OR51D1: variants seen among roughly 807,000 people sequenced by gnomAD.
OR51D1 encodes olfactory receptor family 51 subfamily D member 1.
For missense variants in OR51D1, 452 were observed against 396.2 expected (o/e 1.14, Z -1.20); for synonymous variants, 187 against 161.1 (o/e 1.16, Z -1.22).
rs142657979 is a variant in OR51D1, at chr11:4,639,070, C to T, written c.-14-707C>T. On this transcript the variant is annotated intron_variant, in intron 1 of 1. Coordinates refer to ENST00000641817, the MANE Select transcript of OR51D1 (RefSeq NM_001004751.3). ...CCTCCCAAAGTGCTGGGATTACAGG[C>T]GTGAGCCACTGTACCTGGCGGGGCT... Among the ~76,000 whole-genome samples, 54 of 152,290 alleles carry T rather than the reference C, an allele frequency of 3.5e-4. No individual in the cohort carries two copies. In the East Asian group the frequency reaches 9.3e-3, roughly 26 times the overall value.
rs762621823 is a variant in OR51D1 at position 4,639,944 on chromosome 11, A to G, written c.154A>G (p.Thr52Ala). 1.9e-6 allele frequency: 3 copies of G among 1,614,068 alleles called. No individual in the cohort carries two copies. In the South Asian group the frequency reaches 3.3e-5, roughly 18 times the overall value. Residue 52 changes from threonine (T) to alanine (A), a missense_variant, in exon 2 of 2, where the codon ACC (threonine) becomes GCC (alanine). Thr to Ala is a moderately conservative substitution (Grantham distance 58). Coordinates refer to ENST00000641817, the MANE Select transcript of OR51D1 (RefSeq NM_001004751.3). ...FPLCFMYALA[T>A]LGNLTIVLII... ...ACTGTGTTTTATGTATGCCTTGGCCACCCTGGGTAACCTGACCATTGTCCT... is the reference window on the plus strand; with the variant it reads ...ACTGTGTTTTATGTATGCCTTGGCCGCCCTGGGTAACCTGACCATTGTCCT...
intron 1 of OR51D1, among the ~76,000 whole-genome samples, chr11:4,638,211 C>G (rs1360279856): frequency 6.6e-6 from 1 of 152,046 alleles, no homozygotes; most frequent in African/African-American, 2.4e-5. Flanking sequence ...GGAGACGGGT[C>G]AAGATGAGAC....
chr11:4,642,573 A>AAAG lies in OR51D1; in HGVS notation c.*1810_*1811insGAA, dbSNP rs1182422725. ...CTCTGTGTCAAAAAAAAAAAAAAAA[A>AAAG]AAAAGCCTTGGTTGTAGGGAGTTTC... On this transcript the variant is annotated 3_prime_UTR_variant, in exon 2 of 2. Transcript: ENST00000641817. The AAAG allele has an allele frequency of 6.6e-6, 1 of 152,114 alleles. No homozygotes were observed. The highest frequency in any genetic ancestry group is 1.5e-5 in the Non-Finnish European group (1 of 68,362). The allele number at this position is 152,114 out of a possible 1,614,324, so 9.4% of individuals were successfully genotyped here. A position where few individuals can be genotyped will look rare whatever the true frequency, so the allele number is the denominator to read the frequency against.
Position 4,640,554 on chromosome 11 carries a change from T to A in OR51D1, c.764T>A (p.Ile255Asn). 1 of 1,613,810 alleles carries A rather than the reference T, an allele frequency of 6.2e-7. No homozygotes were observed. Among genetic ancestry groups the A allele is most frequent in the Non-Finnish European group, 8.5e-7 (1 of 1,179,998 alleles). Residue 255 changes from isoleucine (I) to asparagine (N), a missense_variant, in exon 2 of 2, where the codon ATC (isoleucine) becomes AAC (asparagine). Transcript: ENST00000641817. ...GCACTCAAGGCTTTCAACACCTGCA[T>A]CTCCCACCTCTGTGCTGTTCTGGTC... is the stretch of plus-strand genomic sequence containing the variant. ...RAALKAFNTC[I>N]SHLCAVLVFY...
In OR51D1 at chr11:4,641,018, A is replaced by G; in HGVS notation, c.*253A>G. On this transcript the variant is annotated 3_prime_UTR_variant, in exon 2 of 2. Transcript: ENST00000641817. ...TCTCCTTCTCTCTCAGCTAGAAAAT[A>G]CATCTAGTTTTGACATGGGGAGGCT... The G allele has an allele frequency of 4.8e-6, 2 of 420,350 alleles. No individual in the cohort carries two copies. Among genetic ancestry groups the G allele is most frequent in the Non-Finnish European group, 8.6e-6 (2 of 232,934 alleles). 26.0% of individuals were successfully genotyped at this position (420,350 alleles called of 1,614,324 possible). A position where few individuals can be genotyped will look rare whatever the true frequency, so the allele number is the denominator to read the frequency against.
At chr11:4,639,581 A>G in intron 1 of OR51D1, 196 bp from the exon 2 acceptor site, 1 of 586,478 alleles carries the variant, frequency 1.7e-6, no homozygotes. Flanking sequence ...TTGGAGGGTC[A>G]GGGTAAGGCT....
At position 4,640,098 on chromosome 11, in the gene OR51D1, A is replaced by G. The variant is rs114210089; in HGVS notation, c.308A>G (p.Gln103Arg). The change falls in exon 2 of 2, where the codon CAG (glutamine) becomes CGG (arginine). Residue 103 changes from glutamine (Q) to arginine (R), a missense_variant. By Grantham distance (43) the Gln-to-Arg change is conservative. Coordinates refer to ENST00000641817, the MANE Select transcript of OR51D1 (RefSeq NM_001004751.3). ...GCCAGTCTTTTCCTGATGGGCATCCAGGAGATCGAGTTCAACATTTGCCTG... is the reference window on the plus strand; with the variant it reads ...GCCAGTCTTTTCCTGATGGGCATCCGGGAGATCGAGTTCAACATTTGCCTG... ...KMASLFLMGIQEIEFNICLAQ... is the reference protein window; with the variant it reads ...KMASLFLMGIREIEFNICLAQ... The G allele has an allele frequency of 1.7e-4, 269 of 1,614,198 alleles. No individual in the cohort carries two copies. The highest frequency in any genetic ancestry group is 1.6e-3 in the Admixed American group (97 of 60,024).
Position 4,640,371 on chromosome 11 carries a change from A to C in OR51D1, c.581A>C (p.His194Pro). Residue 194 changes from histidine (H) to proline (P), a missense_variant, in exon 2 of 2, where the codon CAC becomes CCC. Transcript: ENST00000641817. The part of the protein sequence containing the change: ...THTVTHSFCL[H>P]QDIMKLSCTD... ...ACTGTCACACACTCCTTCTGTCTGC[A>C]CCAAGATATTATGAAGCTGTCCTGT... 6.2e-7 allele frequency: 1 copy of C among 1,614,196 alleles called. No individual in the cohort carries two copies. Among genetic ancestry groups the C allele is most frequent in the Non-Finnish European group, 8.5e-7 (1 of 1,180,038 alleles).
At chr11:4,638,991 C>T (rs1160351685) in intron 1 of OR51D1, among the ~76,000 whole-genome samples, 3 of 152,144 alleles carry the variant, frequency 2.0e-5, no homozygotes, top group South Asian at 4.2e-4. Flanking sequence ...CAGGGTTTCA[C>T]CATGTTGGCC....
rs746286989 is a variant in OR51D1 at position 4,641,048 on chromosome 11, A to G, written c.*283A>G. ...TAGTTTTGACATGGGGAGGCTGTAA[A>G]GATCACACCTCATGGTTCATTCCAG... On this transcript the variant is annotated 3_prime_UTR_variant, in exon 2 of 2. Coordinates refer to ENST00000641817, the MANE Select transcript of OR51D1 (RefSeq NM_001004751.3). The G allele has an allele frequency of 3.3e-4, 118 of 353,810 alleles. 1 individual carries two copies. The highest frequency in any genetic ancestry group is 4.9e-4 in the Non-Finnish European group (95 of 192,340). The allele number at this position is 353,810 out of a possible 1,614,324, so 21.9% of individuals were successfully genotyped here.
chr11:4,638,206 C>T (rs35241644), intron 1 of OR51D1, among the ~76,000 whole-genome samples: 16 of 151,984 alleles, frequency 1.1e-4, no homozygotes, highest in East Asian at 9.7e-4. Flanking sequence ...AAAGAGGAGA[C>T]GGGTCAAGAT....
chr11:4,640,308 C>A lies in OR51D1; in HGVS notation c.518C>A (p.Pro173His), dbSNP rs745371313. 1.2e-6 allele frequency: 2 copies of A among 1,614,030 alleles called. No individual in the cohort carries two copies. Among genetic ancestry groups the A allele is most frequent in the Non-Finnish European group, 1.7e-6 (2 of 1,180,028 alleles). ...TRGFVFFFPL[P>H]FILKWLSYCQ... Reference sequence around the variant, plus strand: ...GGGTTTGTATTCTTCTTCCCACTGCCCTTCATCCTCAAGTGGTTGTCCTAC... The same window carrying A: ...GGGTTTGTATTCTTCTTCCCACTGCACTTCATCCTCAAGTGGTTGTCCTAC... The change falls in exon 2 of 2, where the codon CCC becomes CAC. Residue 173 changes from proline to histidine, a missense_variant. Pro to His is a moderately conservative substitution (Grantham distance 77). Coordinates refer to ENST00000641817, the MANE Select transcript of OR51D1 (RefSeq NM_001004751.3).
chr11:4,641,209 T>C lies in OR51D1; in HGVS notation c.*444T>C, dbSNP rs141889220. On this transcript the variant is annotated 3_prime_UTR_variant, in exon 2 of 2. Coordinates refer to ENST00000641817, the MANE Select transcript of OR51D1 (RefSeq NM_001004751.3). ...GGGGTTAATGAAGGTATTTGGGGAA[T>C]AGTAACTGGAGAGACAGCAACAAGA... is the stretch of plus-strand genomic sequence containing the variant. 13 of 163,528 alleles carry C rather than the reference T, an allele frequency of 7.9e-5. No homozygotes were observed. The East Asian group carries it at 2.1e-3, about 26-fold the overall frequency. 10.1% of individuals were successfully genotyped at this position (163,528 alleles called of 1,614,324 possible).
chr11:4,640,948 C>A lies in OR51D1; in HGVS notation c.*183C>A, dbSNP rs779967917. On this transcript the variant is annotated 3_prime_UTR_variant, in exon 2 of 2. Coordinates refer to ENST00000641817, the MANE Select transcript of OR51D1 (RefSeq NM_001004751.3). ...GAACTTATGACCCTGTCTGGACATC[C>A]TGGAGAATGACTGCACTAGTCCCTC... is the stretch of plus-strand genomic sequence containing the variant. 6.8e-6 allele frequency: 4 copies of A among 587,470 alleles called. No individual in the cohort carries two copies. In the East Asian group the frequency reaches 1.2e-4, roughly 17 times the overall value. The allele number at this position is 587,470 out of a possible 1,614,324, so 36.4% of individuals were successfully genotyped here. A position where few individuals can be genotyped will look rare whatever the true frequency, so the allele number is the denominator to read the frequency against.
At position 4,640,695 on chromosome 11, in the gene OR51D1, T is replaced by G. The variant is rs11033139; in HGVS notation, c.905T>G (p.Leu302Arg). 6.2e-7 allele frequency: 1 copy of G among 1,613,912 alleles called. No homozygotes were observed. The highest frequency in any genetic ancestry group is 1.7e-5 in the Admixed American group (1 of 60,010). The change falls in exon 2 of 2, where the codon CTT (leucine) becomes CGT (arginine). Residue 302 changes from leucine to arginine, a missense_variant. By Grantham distance (102) the Leu-to-Arg change is moderately radical (BLOSUM62 -2). Coordinates refer to ENST00000641817, the MANE Select transcript of OR51D1 (RefSeq NM_001004751.3). ...YLLLPPVVNP[L>R]VYGAKTKEIC... Reference sequence around the variant, plus strand: ...CTGCTACCACCTGTAGTCAACCCCCTTGTCTATGGAGCCAAGACCAAAGAG... The same window carrying G: ...CTGCTACCACCTGTAGTCAACCCCCGTGTCTATGGAGCCAAGACCAAAGAG...
In OR51D1 at chr11:4,640,161, A is replaced by T. The variant is rs1846946414; in HGVS notation, c.371A>T (p.Glu124Val). 1 of 1,614,196 alleles carries T rather than the reference A, an allele frequency of 6.2e-7. No homozygotes were observed. Among genetic ancestry groups the T allele is most frequent in the South Asian group, 1.1e-5 (1 of 91,084 alleles). ...MFLIHALSAVESAVLLAMAFD... is the reference protein window; with the variant it reads ...MFLIHALSAVVSAVLLAMAFD... ...CTTATCCATGCTCTGTCAGCCGTGG[A>T]GTCAGCTGTCCTGCTGGCCATGGCT... The change falls in exon 2 of 2, where the codon GAG (glutamate) becomes GTG (valine). Residue 124 changes from glutamate to valine, a missense_variant. Coordinates refer to ENST00000641817, the MANE Select transcript of OR51D1 (RefSeq NM_001004751.3).
chr11:4,640,630 C>A lies in OR51D1; in HGVS notation c.840C>A (p.Pro280=). ...CGGTGGTGCATAGGCTGGGTGGTCC[C>A]ACCTCCCTCCTCCATGTGGTTATGG... ...GLSVVHRLGG[P]TSLLHVVMAN... The change falls in exon 2 of 2, where the codon CCC becomes CCA. Residue 280 remains proline, a synonymous_variant. Transcript: ENST00000641817. 6.2e-7 allele frequency: 1 copy of A among 1,613,152 alleles called. No individual in the cohort carries two copies. The highest frequency in any genetic ancestry group is 1.3e-5 in the African/African-American group (1 of 74,802).
chr11:4,640,935 C>A lies in OR51D1; in HGVS notation c.*170C>A. 1.6e-6 allele frequency: 1 copy of A among 617,864 alleles called. No homozygotes were observed. Among genetic ancestry groups the A allele is most frequent in the Non-Finnish European group, 2.8e-6 (1 of 360,276 alleles). The allele number at this position is 617,864 out of a possible 1,614,324, so 38.3% of individuals were successfully genotyped here. A position where few individuals can be genotyped will look rare whatever the true frequency, so the allele number is the denominator to read the frequency against. On this transcript the variant is annotated 3_prime_UTR_variant, in exon 2 of 2. Coordinates refer to ENST00000641817, the MANE Select transcript of OR51D1 (RefSeq NM_001004751.3). ...ATGTGTCAGTACTGAACTTATGACCCTGTCTGGACATCCTGGAGAATGACT... is the reference window on the plus strand; with the variant it reads ...ATGTGTCAGTACTGAACTTATGACCATGTCTGGACATCCTGGAGAATGACT...
rs1846961255 is a variant in OR51D1, at chr11:4,640,920, A to G, written c.*155A>G. 14 of 684,728 alleles carry G rather than the reference A, an allele frequency of 2.0e-5. No homozygotes were observed. Among genetic ancestry groups the G allele is most frequent in the Non-Finnish European group, 3.4e-5 (14 of 415,068 alleles). The allele number at this position is 684,728 out of a possible 1,614,324, so 42.4% of individuals were successfully genotyped here. A position where few individuals can be genotyped will look rare whatever the true frequency, so the allele number is the denominator to read the frequency against. ...ATTCTGTCTCCAGGAATGTGTCAGT[A>G]CTGAACTTATGACCCTGTCTGGACA... On this transcript the variant is annotated 3_prime_UTR_variant, in exon 2 of 2. Coordinates refer to ENST00000641817, the MANE Select transcript of OR51D1 (RefSeq NM_001004751.3).
Sources: gnomAD v4.1 joint callset for allele counts (sites outside exome capture counted in the v4.1 genomes callset) on GRCh38, gnomAD v4.1.1 for gene constraint, MANE v1.5 for transcripts, NCBI Gene and HGNC (gene_info 2026-07-23, HGNC 2026-07-21) for gene names.